UBE2H: variants seen among roughly 807,000 people sequenced by gnomAD.
UBE2H encodes the protein ubiquitin conjugating enzyme E2 H.
UBE2H carries 3 observed loss-of-function variants against 29.0 expected under a neutral mutation model. The ratio of observed to expected loss-of-function variants is 0.10; its 90% confidence interval spans 0.05 to 0.27. UBE2H has a LOEUF of 0.27. Ranked by LOEUF, UBE2H falls within the 10% of genes least tolerant of loss-of-function variation. The probability of loss-of-function intolerance (pLI) is 1.00; values close to 1 mark genes in which losing one functional copy is unlikely to be tolerated. For missense variants in UBE2H, 68 were observed against 228.2 expected (o/e 0.30, Z 4.52); for synonymous variants, 69 against 82.9 (o/e 0.83, Z 0.91).
chr7:129,926,382 G>A (rs1411449323), intron 1 of UBE2H, among the ~76,000 whole-genome samples: 1 of 151,942 alleles, frequency 6.6e-6, no homozygotes, highest in Non-Finnish European at 1.5e-5. Flanking sequence ...GGTGGCACAT[G>A]CCTGTAATCC....
intron 1 of UBE2H, among the ~76,000 whole-genome samples, chr7:129,915,442 G>C (rs1204942909): frequency 6.6e-6 from 1 of 152,144 alleles, no homozygotes; most frequent in Non-Finnish European, 1.5e-5. Context: ...GCTGAGGCAG[G>C]AGAATGGCAT....
chr7:129,906,211 T>C (rs2116434845), intron 1 of UBE2H, among the ~76,000 whole-genome samples: 1 of 142,664 alleles, frequency 7.0e-6, no homozygotes, highest in East Asian at 1.9e-4. Context: ...TTTTTTTCTT[T>C]CTTTTTTTTT....
intron 1 of UBE2H, among the ~76,000 whole-genome samples, chr7:129,894,483 C>CTT (rs78614188): frequency 3.0e-5 from 3 of 99,106 alleles, no homozygotes; most frequent in East Asian, 3.2e-4. Context: ...CTAATCCCAT[C>CTT]TTTTTTTTTT....
chr7:129,854,060 G>GTTTTTTTTTGTTTTTTTTTTT (rs1554430937), intron 5 of UBE2H, among the ~76,000 whole-genome samples: 2 of 100,312 alleles, frequency 2.0e-5, no homozygotes, highest in African/African-American at 8.0e-5. Context: ...TTTAGTGTTA[G>GTTTTTTTTTGTTTTTTTTTTT]TTTTTTTTTT....
intron 3 of UBE2H, among the ~76,000 whole-genome samples, chr7:129,865,419 TGA>T (rs1351086958): frequency 6.6e-6 from 1 of 152,142 alleles, no homozygotes; most frequent in African/African-American, 2.4e-5. Flanking sequence ...TCCCTTTATT[TGA>T]GAGGATATTA....
chr7:129,895,459 G>C (rs1231990723), intron 1 of UBE2H, among the ~76,000 whole-genome samples: 1 of 152,086 alleles, frequency 6.6e-6, no homozygotes, highest in Non-Finnish European at 1.5e-5. Context: ...AACTCACCTT[G>C]AAAACTTCCA....
chr7:129,866,290 T>C (rs1805903308), intron 3 of UBE2H, among the ~76,000 whole-genome samples: 1 of 152,202 alleles, frequency 6.6e-6, no homozygotes, highest in South Asian at 2.1e-4. Context: ...GTCTGAGGAA[T>C]GGGCTAGATG....
intron 3 of UBE2H, among the ~76,000 whole-genome samples, chr7:129,872,387 A>G (rs905681003): frequency 1.4e-4 from 21 of 152,178 alleles, no homozygotes; most frequent in African/African-American, 4.8e-4. Context: ...TTCTATAGGT[A>G]GTTTAGTCAT....
intron 1 of UBE2H, among the ~76,000 whole-genome samples, chr7:129,914,270 C>A (rs1252604233): frequency 6.6e-6 from 1 of 151,984 alleles, no homozygotes; most frequent in Non-Finnish European, 1.5e-5. Flanking sequence ...CAGGTTCAAG[C>A]GATTCTCCTG....
At chr7:129,920,247 T>G (rs944666975) in intron 1 of UBE2H, among the ~76,000 whole-genome samples, 8 of 152,086 alleles carry the variant, frequency 5.3e-5, no homozygotes, top group Non-Finnish European at 1.2e-4. Context: ...ATTATGCAAA[T>G]AAACACACAC....
intron 1 of UBE2H, among the ~76,000 whole-genome samples, chr7:129,881,722 C>T (rs1563032710): frequency 6.6e-6 from 1 of 152,122 alleles, no homozygotes; most frequent in Non-Finnish European, 1.5e-5. Context: ...ACCCTCTCCT[C>T]CTCAATCTAT....
At chr7:129,932,571 G>C (rs572603668) in intron 1 of UBE2H, among the ~76,000 whole-genome samples, 4 of 150,860 alleles carry the variant, frequency 2.7e-5, no homozygotes, top group Non-Finnish European at 5.9e-5. Context: ...AGAGGAGATC[G>C]AGACCACGCT....
chr7:129,844,919 A>C (rs1805486376), intron 5 of UBE2H, among the ~76,000 whole-genome samples: 2 of 152,234 alleles, frequency 1.3e-5, no homozygotes, highest in South Asian at 4.1e-4. Flanking sequence ...GCCTGAGGTC[A>C]GGAGTTTCAC....
intron 5 of UBE2H, among the ~76,000 whole-genome samples, chr7:129,854,060 G>GT (rs56362841): frequency 0.043 from 4,262 of 100,166 alleles, 101 homozygotes; most frequent in African/African-American, 0.079. Flanking sequence ...TTTAGTGTTA[G>GT]TTTTTTTTTT....
At chr7:129,920,848 CAAAAAAAAAAAAAA>C in intron 1 of UBE2H, among the ~76,000 whole-genome samples, 1 of 73,982 alleles carries the variant, frequency 1.4e-5, no homozygotes, top group African/African-American at 5.1e-5. Flanking sequence ...TAGAAAAAGT[CAAAAAAAAAAAAAA>C]AAAAAAAAGC....
chr7:129,852,285 A>G (rs1805624324), intron 5 of UBE2H, among the ~76,000 whole-genome samples: 1 of 152,218 alleles, frequency 6.6e-6, no homozygotes, highest in South Asian at 2.1e-4. Flanking sequence ...GGGATGGGAT[A>G]AGTGTTAAAT....
intron 1 of UBE2H, among the ~76,000 whole-genome samples, chr7:129,930,909 C>CAA (rs71175050): frequency 0.041 from 1,355 of 32,730 alleles, 61 homozygotes; most frequent in East Asian, 0.18. Context: ...CCCCGTCTCA[C>CAA]AAAAAAAAAA....
chr7:129,913,508 G>A (rs560578255), intron 1 of UBE2H, among the ~76,000 whole-genome samples: 4 of 152,180 alleles, frequency 2.6e-5, no homozygotes, highest in Admixed American at 2.6e-4. Context: ...CACCACCACT[G>A]CCATCATTTT....
intron 5 of UBE2H, among the ~76,000 whole-genome samples, chr7:129,840,692 C>T (rs972129465): frequency 8.5e-5 from 13 of 152,180 alleles, no homozygotes; most frequent in African/African-American, 3.1e-4. Flanking sequence ...CATGAGAATG[C>T]TTCCATGTCT....
Sources: gnomAD v4.1 joint callset for allele counts (sites outside exome capture counted in the v4.1 genomes callset) on GRCh38, gnomAD v4.1.1 for gene constraint, MANE v1.5 for transcripts, NCBI Gene and HGNC (gene_info 2026-07-23, HGNC 2026-07-21) for gene names.